The following ZNF521 variants were observed in gnomAD, a reference collection of about 807,000 sequenced individuals.
ZNF521 encodes the protein zinc finger protein 521.
In ZNF521, 14 loss-of-function variants were observed where a neutral mutation model predicts 105.5. The ratio of observed to expected loss-of-function variants is 0.13; its 90% CI spans 0.09 to 0.21. The LOEUF is 0.21. Among genes scored for constraint, ZNF521 ranks in the 10% least tolerant of loss-of-function variants. The pLI, the probability that ZNF521 is intolerant of heterozygous loss-of-function variation, is 1.00. For missense variants in ZNF521, 1,233 were observed against 1,629.7 expected (o/e 0.76, Z 4.19); for synonymous variants, 635 against 606.0 (o/e 1.05, Z -0.70).
At chr18:25,208,923 G>A (rs966187211) in intron 4 of ZNF521, among the ~76,000 whole-genome samples, 1 of 152,102 alleles carries the variant, frequency 6.6e-6, no homozygotes, top group African/African-American at 2.4e-5. Context: ...TTTTAATACA[G>A]CTTATTTTTG....
chr18:25,123,123 TGTA>T (rs2034474134), intron 5 of ZNF521, among the ~76,000 whole-genome samples: 2 of 147,524 alleles, frequency 1.4e-5, no homozygotes, highest in Admixed American at 1.4e-4. Context: ...AATAATTATC[TGTA>T]CTTACAAATG....
At chr18:25,252,652 G>A (rs1195046676) in intron 3 of ZNF521, among the ~76,000 whole-genome samples, 1 of 151,928 alleles carries the variant, frequency 6.6e-6, no homozygotes, top group Non-Finnish European at 1.5e-5. Flanking sequence ...ATCTGAAGAA[G>A]TTAAAATTGC....
intron 5 of ZNF521, among the ~76,000 whole-genome samples, chr18:25,153,116 T>C (rs923792903): frequency 1.2e-4 from 19 of 152,222 alleles, no homozygotes; most frequent in Admixed American, 3.3e-4. Context: ...GTGTTTACTA[T>C]GTATTTTGGT....
chr18:25,074,951 A>G (rs2033324078), intron 7 of ZNF521, among the ~76,000 whole-genome samples: 1 of 152,214 alleles, frequency 6.6e-6, no homozygotes, highest in Admixed American at 6.5e-5. Context: ...ACTCCAAGTT[A>G]ATTTTAATTC....
At chr18:25,270,961 A>T (rs917849813) in intron 3 of ZNF521, among the ~76,000 whole-genome samples, 1 of 152,174 alleles carries the variant, frequency 6.6e-6, no homozygotes, top group South Asian at 2.1e-4. Flanking sequence ...AGCATACTCA[A>T]ATAGGAAGAG....
intron 2 of ZNF521, among the ~76,000 whole-genome samples, chr18:25,334,311 T>C (rs1235903623): frequency 1.5e-5 from 2 of 135,680 alleles, no homozygotes; most frequent in Non-Finnish European, 3.2e-5. Context: ...AGGAGAGATC[T>C]GGTGGCCAGT....
intron 4 of ZNF521, among the ~76,000 whole-genome samples, chr18:25,206,781 C>T (rs893876614): frequency 2.6e-5 from 4 of 152,162 alleles, no homozygotes; most frequent in African/African-American, 9.7e-5. Flanking sequence ...GACCACCCTT[C>T]TCTTCTCCTT....
At position 25,226,862 on chromosome 18, in the gene ZNF521, G is replaced by A; in HGVS notation, c.1056C>T (p.Thr352=). ...AATCTGGAGTCGTACTGGACACGGA[G>A]GTATAGCCCACCGTGACCAGGGAAG... The part of the protein sequence containing the change: ...NSPSLVTVGY[T]SVSSTTPDSN... Residue 352 remains threonine (T), a synonymous_variant, in exon 4 of 8, where the codon ACC becomes ACT. Transcript: ENST00000361524. The surrounding 1 kb of genome is among the most constrained non-coding windows in gnomAD (Gnocchi z 4.1). 1 of 1,613,980 alleles carries A rather than the reference G, an allele frequency of 6.2e-7. No homozygotes were observed. Among genetic ancestry groups the A allele is most frequent in the Non-Finnish European group, 8.5e-7 (1 of 1,179,992 alleles).
chr18:25,258,314 C>T (rs938811289), intron 3 of ZNF521, among the ~76,000 whole-genome samples: 1 of 152,078 alleles, frequency 6.6e-6, no homozygotes, highest in African/African-American at 2.4e-5. Context: ...TGCCCATAGA[C>T]TATTACAAAA....
intron 3 of ZNF521, among the ~76,000 whole-genome samples, chr18:25,305,300 A>G (rs1911913840): frequency 6.6e-6 from 1 of 152,198 alleles, no homozygotes; most frequent in Non-Finnish European, 1.5e-5. Flanking sequence ...TTTTTGAGCT[A>G]ATTTATAAAA....
At chr18:25,327,774 G>A in intron 2 of ZNF521, 1 of 492,554 alleles carries the variant, frequency 2.0e-6, no homozygotes, top group Non-Finnish European at 4.1e-6. Flanking sequence ...AAGGAAGGCA[G>A]CATTGCCAGA....
At chr18:25,288,630 T>C (rs1910841778) in intron 3 of ZNF521, among the ~76,000 whole-genome samples, 2 of 150,016 alleles carry the variant, frequency 1.3e-5, no homozygotes, top group South Asian at 2.1e-4. Context: ...TTGATTTTCA[T>C]TGCCCTGGAG....
intron 5 of ZNF521, among the ~76,000 whole-genome samples, chr18:25,193,441 A>C (rs936825964): frequency 6.6e-6 from 1 of 152,062 alleles, no homozygotes; most frequent in Non-Finnish European, 1.5e-5. Context: ...AATTTCACTG[A>C]ATTTCCCATA....
intron 2 of ZNF521, among the ~76,000 whole-genome samples, chr18:25,329,198 A>T (rs1005192453): frequency 2.6e-5 from 4 of 152,142 alleles, no homozygotes; most frequent in Non-Finnish European, 5.9e-5. Flanking sequence ...TGGGATACTG[A>T]TCCTCAAGGT....
At chr18:25,191,305 G>A (rs537825444) in intron 5 of ZNF521, among the ~76,000 whole-genome samples, 5 of 152,236 alleles carry the variant, frequency 3.3e-5, no homozygotes, top group Non-Finnish European at 5.9e-5. Flanking sequence ...GGGAGGCCTG[G>A]AAATGGCCAC....
intron 5 of ZNF521, among the ~76,000 whole-genome samples, chr18:25,132,304 T>C (rs2034655022): frequency 6.6e-6 from 1 of 152,166 alleles, no homozygotes; most frequent in South Asian, 2.1e-4. Context: ...AACTTCTAAC[T>C]TTTTCCATTT....
intron 3 of ZNF521, among the ~76,000 whole-genome samples, chr18:25,310,924 C>T (rs2145107265): frequency 6.6e-6 from 1 of 152,208 alleles, no homozygotes; most frequent in South Asian, 2.1e-4. Flanking sequence ...TGCCCAATAA[C>T]CTACTTAAAT....
intron 4 of ZNF521, among the ~76,000 whole-genome samples, chr18:25,211,376 TAA>T (rs1214269893): frequency 1.3e-5 from 2 of 152,220 alleles, no homozygotes; most frequent in Admixed American, 6.5e-5. Flanking sequence ...AGGTAATGTA[TAA>T]AGAGTTAACT....
chr18:25,208,002 A>G (rs2036112883), intron 4 of ZNF521, among the ~76,000 whole-genome samples: 1 of 152,166 alleles, frequency 6.6e-6, no homozygotes, highest in African/African-American at 2.4e-5. Context: ...AAAGGATAAT[A>G]TCAAATTTGA....
Sources: gnomAD v4.1 joint callset for allele counts (sites outside exome capture counted in the v4.1 genomes callset) on GRCh38, gnomAD v4.1.1 for gene constraint, Gnocchi (gnomAD v3.1) non-coding constraint, MANE v1.5 for transcripts, NCBI Gene and HGNC (gene_info 2026-07-23, HGNC 2026-07-21) for gene names.